Variants in ARHGEF7 observed in about 807,000 individuals in gnomAD.
The protein encoded by ARHGEF7 is PAK-interacting exchange factor beta.
In ARHGEF7, 33 loss-of-function variants were observed where a neutral mutation model predicts 109.8. That is an observed-to-expected ratio of 0.30 (90% CI 0.23 to 0.40). The LOEUF (loss-of-function observed/expected upper bound fraction) is 0.40. Ranked by LOEUF, ARHGEF7 falls within the 10% of genes least tolerant of loss-of-function variation. The pLI, the probability that ARHGEF7 is intolerant of heterozygous loss-of-function variation, is 1.00. For synonymous variants in ARHGEF7, 458 were observed against 424.6 expected, an observed-to-expected ratio of 1.08 and a Z score of -0.97; for missense variants, 938 against 1,098.5, an observed-to-expected ratio of 0.85 and a Z score of 2.07.
In ARHGEF7 at chr13:111,304,808, A is replaced by G. The variant is rs931347776; in HGVS notation, c.*1695A>G. ...TTCACTAGAATTGCCAGCTTCCTCAACTTAGCAGATCATTCACTCATGCGG... is the reference window on the plus strand; with the variant it reads ...TTCACTAGAATTGCCAGCTTCCTCAGCTTAGCAGATCATTCACTCATGCGG... On this transcript the variant is annotated 3_prime_UTR_variant, in exon 22 of 22. Transcript: ENST00000646102. 1 of 152,256 alleles carries G rather than the reference A, an allele frequency of 6.6e-6. No individual in the cohort carries two copies. The highest frequency in any genetic ancestry group is 1.5e-5 in the Non-Finnish European group (1 of 68,054). 9.4% of individuals were successfully genotyped at this position (152,256 alleles called of 1,614,324 possible).
chr13:111,153,386 G>GGAGGCC (rs1162714112), intron 1 of ARHGEF7, among the ~76,000 whole-genome samples: 3 of 152,124 alleles, frequency 2.0e-5, no homozygotes, highest in African/African-American at 7.2e-5. Flanking sequence ...GGAGCAGGGA[G>GGAGGCC]GAGGCCGAGC....
At chr13:111,247,368 A>G (rs552333731) in intron 8 of ARHGEF7, among the ~76,000 whole-genome samples, 2 of 152,006 alleles carry the variant, frequency 1.3e-5, no homozygotes, top group African/African-American at 2.4e-5. Flanking sequence ...TCCTGAGTTC[A>G]AGTGATTCTC....
intron 19 of ARHGEF7, chr13:111,292,808 T>C (rs2093329191): frequency 1.0e-6 from 1 of 993,544 alleles, no homozygotes; most frequent in African/African-American, 1.7e-5. Flanking sequence ...GAGAAGAATA[T>C]ATGCAGCAAA....
At chr13:111,179,548 G>A (rs961855457) in intron 2 of ARHGEF7, among the ~76,000 whole-genome samples, 1 of 152,042 alleles carries the variant, frequency 6.6e-6, no homozygotes, top group Non-Finnish European at 1.5e-5. Context: ...TTGTGTTGCC[G>A]TATGCTATAT....
chr13:111,292,621 G>A (rs1008530056), intron 19 of ARHGEF7: 1 of 1,195,780 alleles, frequency 8.4e-7, no homozygotes, highest in East Asian at 4.4e-5. Context: ...TATTCTCAGT[G>A]TAGCAACTGT....
chr13:111,289,679 G>A (rs979213841), intron 18 of ARHGEF7, among the ~76,000 whole-genome samples: 1 of 150,820 alleles, frequency 6.6e-6, no homozygotes, highest in Non-Finnish European at 1.5e-5. Flanking sequence ...CTGAGAAAAG[G>A]AGAGAGAGGG....
At chr13:111,259,058 C>T (rs991659297) in intron 8 of ARHGEF7, among the ~76,000 whole-genome samples, 1 of 152,158 alleles carries the variant, frequency 6.6e-6, no homozygotes, top group Non-Finnish European at 1.5e-5. Context: ...AAATATTCAA[C>T]TGCAGTAGAA....
chr13:111,149,087 A>G (rs2075759319), intron 1 of ARHGEF7, among the ~76,000 whole-genome samples: 3 of 150,926 alleles, frequency 2.0e-5, no homozygotes, highest in African/African-American at 7.3e-5. Context: ...TTAACAAACT[A>G]AAAAAAAAGC....
intron 2 of ARHGEF7, among the ~76,000 whole-genome samples, chr13:111,199,874 G>A (rs1198039012): frequency 1.3e-5 from 2 of 152,170 alleles, no homozygotes; most frequent in Admixed American, 6.5e-5. Flanking sequence ...GCACCAGACA[G>A]TGACCTCCTG....
At chr13:111,115,931 G>C (rs2066725534) in intron 1 of ARHGEF7, among the ~76,000 whole-genome samples, 1 of 151,544 alleles carries the variant, frequency 6.6e-6, no homozygotes, top group South Asian at 2.1e-4. Flanking sequence ...CGGGCGGCGG[G>C]GGTCCCCGGG....
chr13:111,127,521 C>A (rs1464654429), intron 1 of ARHGEF7, among the ~76,000 whole-genome samples: 1 of 151,626 alleles, frequency 6.6e-6, no homozygotes, highest in Non-Finnish European at 1.5e-5. Flanking sequence ...GCTGGATGTG[C>A]CTCTGGTCCC....
intron 8 of ARHGEF7, among the ~76,000 whole-genome samples, chr13:111,247,381 G>C (rs2089054888): frequency 6.6e-6 from 1 of 151,736 alleles, no homozygotes; most frequent in Non-Finnish European, 1.5e-5. Flanking sequence ...TGATTCTCCT[G>C]CCTCAGCCTC....
chr13:111,202,303 G>A (rs1478902436), intron 2 of ARHGEF7, among the ~76,000 whole-genome samples: 8 of 152,192 alleles, frequency 5.3e-5, no homozygotes, highest in Non-Finnish European at 8.8e-5. Context: ...CACCAGGAGC[G>A]CTTCTCACGC....
intron 2 of ARHGEF7, among the ~76,000 whole-genome samples, chr13:111,156,407 T>C (rs2076339562): frequency 6.6e-6 from 1 of 152,260 alleles, no homozygotes; most frequent in East Asian, 1.9e-4. Context: ...CCAGTAAATT[T>C]AAGCAAGAGG....
chr13:111,222,441 T>G (rs1275359471), intron 5 of ARHGEF7, among the ~76,000 whole-genome samples: 1 of 152,188 alleles, frequency 6.6e-6, no homozygotes, highest in Non-Finnish European at 1.5e-5. Flanking sequence ...TAATTTTATT[T>G]TACTATTTTA....
chr13:111,294,569 C>G, intron 19 of ARHGEF7: 1 of 985,410 alleles, frequency 1.0e-6, no homozygotes, highest in Non-Finnish European at 1.2e-6. Flanking sequence ...AATAACCTGA[C>G]CTTTTCTTTG....
At chr13:111,300,721 T>C (rs1410995277) in intron 19 of ARHGEF7, 27 bp from the exon 20 acceptor site, 1 of 1,496,520 alleles carries the variant, frequency 6.7e-7, no homozygotes, top group Non-Finnish European at 9.2e-7. Context: ...CGCCTGAGGT[T>C]TATTTATTAT....
intron 6 of ARHGEF7, among the ~76,000 whole-genome samples, chr13:111,240,157 C>T (rs1022081875): frequency 2.0e-5 from 3 of 152,166 alleles, no homozygotes; most frequent in Admixed American, 6.5e-5. Flanking sequence ...CTGCAGAGGC[C>T]GGCTCTACCT....
At chr13:111,212,771 A>G (rs548068836) in intron 4 of ARHGEF7, among the ~76,000 whole-genome samples, 3 of 152,286 alleles carry the variant, frequency 2.0e-5, no homozygotes, top group South Asian at 2.1e-4. Flanking sequence ...CATATACCAT[A>G]TTTTGTCAAT....
Sources: gnomAD v4.1 joint callset for allele counts (sites outside exome capture counted in the v4.1 genomes callset) on GRCh38, gnomAD v4.1.1 for gene constraint, MANE v1.5 for transcripts, NCBI Gene and HGNC (gene_info 2026-07-23, HGNC 2026-07-21) for gene names.